GMDS: variants seen among roughly 807,000 people sequenced by gnomAD.
The protein encoded by GMDS is GDP-mannose 4,6-dehydratase, also known as GDP-mannose 4,6 dehydratase.
A neutral mutation model predicts 49.9 loss-of-function variants in GMDS; 20 were observed. That is an observed-to-expected ratio of 0.40 (90% CI 0.28 to 0.58). The LOEUF is 0.58. GMDS is among the 20% of genes least tolerant of loss of function. The pLI is 0.42. For synonymous variants in GMDS, 177 were observed against 178.6 expected (o/e 0.99, Z 0.07); for missense variants, 362 against 481.4 (o/e 0.75, Z 2.32).
intron 4 of GMDS, among the ~76,000 whole-genome samples, chr6:1,965,140 G>C (rs1480716695): frequency 6.6e-6 from 1 of 152,120 alleles, no homozygotes; most frequent in Admixed American, 6.5e-5. Context: ...ACATATGTGT[G>C]CATGTGTCTT....
chr6:2,085,243 T>A (rs576328313), intron 4 of GMDS, among the ~76,000 whole-genome samples: 3 of 152,208 alleles, frequency 2.0e-5, no homozygotes, highest in Admixed American at 1.3e-4. Context: ...TCTTTTTTAT[T>A]CCTTTCTTTC....
At chr6:2,065,193 C>A (rs902519117) in intron 4 of GMDS, among the ~76,000 whole-genome samples, 2 of 152,306 alleles carry the variant, frequency 1.3e-5, no homozygotes, top group East Asian at 1.9e-4. Context: ...GGTACTCCAA[C>A]AGACCTGCAG....
chr6:2,202,343 C>T (rs370144084), intron 1 of GMDS, among the ~76,000 whole-genome samples: 48 of 151,444 alleles, frequency 3.2e-4, no homozygotes, highest in African/African-American at 1.1e-3. Context: ...CATGCACATC[C>T]GAGATGAAAC....
intron 9 of GMDS, among the ~76,000 whole-genome samples, chr6:1,642,490 C>T (rs1278568802): frequency 6.6e-6 from 1 of 152,084 alleles, no homozygotes; most frequent in Non-Finnish European, 1.5e-5. Context: ...TTAAACCTAC[C>T]CCAAAGGTTC....
chr6:1,693,641 C>A (rs981942535), intron 9 of GMDS, among the ~76,000 whole-genome samples: 4 of 152,146 alleles, frequency 2.6e-5, no homozygotes, highest in Admixed American at 6.6e-5. Context: ...CCCTGTCACT[C>A]CATCTTGGCT....
At chr6:1,879,450 A>G (rs1759257168) in intron 7 of GMDS, among the ~76,000 whole-genome samples, 1 of 152,246 alleles carries the variant, frequency 6.6e-6, no homozygotes. Context: ...CTATGGGCCA[A>G]TGAGCCAATA....
intron 7 of GMDS, among the ~76,000 whole-genome samples, chr6:1,893,071 T>C (rs1477368273): frequency 2.0e-5 from 3 of 152,126 alleles, no homozygotes; most frequent in African/African-American, 7.2e-5. Flanking sequence ...CGGCTGCAGC[T>C]TCCCCATCCA....
At chr6:1,856,108 T>C (rs781318226) in intron 7 of GMDS, among the ~76,000 whole-genome samples, 10 of 152,334 alleles carry the variant, frequency 6.6e-5, no homozygotes, top group Non-Finnish European at 1.2e-4. Flanking sequence ...TGTAAGTACA[T>C]AGACTGCCTC....
At chr6:1,695,823 C>T (rs919791036) in intron 9 of GMDS, among the ~76,000 whole-genome samples, 2 of 150,746 alleles carry the variant, frequency 1.3e-5, no homozygotes, top group African/African-American at 4.9e-5. Flanking sequence ...GCCCTGAGAA[C>T]AAACAGTGCT....
At chr6:1,652,486 AAT>A (rs1763703443) in intron 9 of GMDS, among the ~76,000 whole-genome samples, 1 of 7,570 alleles carries the variant, frequency 1.3e-4, no homozygotes, top group East Asian at 2.3e-3. Context: ...TATTATATAT[AAT>A]ATATATTATT....
At chr6:2,046,547 C>T (rs1770024776) in intron 4 of GMDS, among the ~76,000 whole-genome samples, 1 of 152,126 alleles carries the variant, frequency 6.6e-6, no homozygotes, top group Non-Finnish European at 1.5e-5. Context: ...GCAACCTTCA[C>T]GTCTCAGGCT....
chr6:2,172,133 A>G (rs398992), intron 1 of GMDS, among the ~76,000 whole-genome samples: 6,169 of 152,288 alleles, frequency 0.041, 253 homozygotes, highest in South Asian at 0.13. Flanking sequence ...GTAGAACTGA[A>G]CTTATCTTTT....
intron 9 of GMDS, among the ~76,000 whole-genome samples, chr6:1,705,933 C>T (rs1034913099): frequency 6.6e-6 from 1 of 152,118 alleles, no homozygotes; most frequent in African/African-American, 2.4e-5. Context: ...GCAGGAAGGC[C>T]CTTGCAAGAA....
At chr6:1,796,437 C>T (rs919393435) in intron 7 of GMDS, among the ~76,000 whole-genome samples, 5 of 152,166 alleles carry the variant, frequency 3.3e-5, no homozygotes, top group African/African-American at 1.2e-4. Context: ...TCAGGCCTCA[C>T]GCCTGCAGAC....
chr6:2,229,234 T>G (rs1398224045), intron 1 of GMDS, among the ~76,000 whole-genome samples: 1 of 152,094 alleles, frequency 6.6e-6, no homozygotes, highest in African/African-American at 2.4e-5. Context: ...CAAGGCACTT[T>G]CTTTCGTCCT....
At chr6:2,104,788 A>T (rs1322167624) in intron 4 of GMDS, among the ~76,000 whole-genome samples, 1 of 152,236 alleles carries the variant, frequency 6.6e-6, no homozygotes, top group East Asian at 1.9e-4. Flanking sequence ...TGAAAAACAA[A>T]AGTTGAAATT....
intron 1 of GMDS, among the ~76,000 whole-genome samples, chr6:2,203,602 A>T (rs924530669): frequency 2.0e-5 from 3 of 152,186 alleles, no homozygotes; most frequent in Non-Finnish European, 4.4e-5. Flanking sequence ...CAGATTTTTT[A>T]AATAACTTTT....
rs189209380 is a variant in GMDS, at chr6:1,832,856, C to T, written c.772-90270G>A. ...CTGCCACAGACCTGATGAGCTTCAG[C>T]GGAAAAGTCAGCATGAACATGTGAA... is the stretch of plus-strand genomic sequence containing the variant. On this transcript the variant is annotated intron_variant, in intron 7 of 10. Transcript: ENST00000380815. Among the ~76,000 whole-genome samples the T allele has an allele frequency of 2.1e-3, 321 of 152,254 alleles. 2 individuals carry two copies. The highest frequency in any genetic ancestry group is 3.7e-3 in the Admixed American group (57 of 15,294).
chr6:1,695,119 C>T (rs1186241991), intron 9 of GMDS, among the ~76,000 whole-genome samples: 1 of 152,092 alleles, frequency 6.6e-6, no homozygotes, highest in Non-Finnish European at 1.5e-5. Flanking sequence ...TGAGGACGGT[C>T]ATTTACTTGG....
Sources: gnomAD v4.1 joint callset for allele counts (sites outside exome capture counted in the v4.1 genomes callset) on GRCh38, gnomAD v4.1.1 for gene constraint, MANE v1.5 for transcripts, NCBI Gene and HGNC (gene_info 2026-07-23, HGNC 2026-07-21) for gene names.